Variants in MYO3A observed in about 807,000 individuals in gnomAD.
MYO3A encodes the protein myosin IIIA.
In MYO3A, 180 loss-of-function variants were observed where a neutral mutation model predicts 192.7. That is an observed-to-expected ratio of 0.93 (90% CI 0.83 to 1.06). The LOEUF is 1.06. Among genes scored for constraint, MYO3A ranks in the 50% least tolerant of loss-of-function variants. The probability of loss-of-function intolerance (pLI) is 0.00; values close to 1 mark genes in which losing one functional copy is unlikely to be tolerated. For missense variants in MYO3A, 1,896 were observed against 1,905.0 expected (o/e 1.00, Z 0.09); for synonymous variants, 628 against 645.3 (o/e 0.97, Z 0.41).
rs1835892396 is a variant in MYO3A, at chr10:25,934,327, A to T, written c.-106A>T. Reference sequence around the variant, plus strand: ...TAAGGAGGCGCCCGGCTTCCCGCCCAGGTACGTGTCGGGACAGCGCAGGGG... The same window carrying T: ...TAAGGAGGCGCCCGGCTTCCCGCCCTGGTACGTGTCGGGACAGCGCAGGGG... On this transcript the variant is annotated splice_region_variant and 5_prime_UTR_variant, in exon 1 of 35. Coordinates refer to ENST00000642920, the MANE Select transcript of MYO3A (RefSeq NM_017433.5). 1 of 152,172 alleles carries T rather than the reference A, an allele frequency of 6.6e-6. No homozygotes were observed. Among genetic ancestry groups the T allele is most frequent in the Non-Finnish European group, 1.5e-5 (1 of 68,096 alleles). The allele number at this position is 152,172 out of a possible 1,614,324, so 9.4% of individuals were successfully genotyped here. A position where few individuals can be genotyped will look rare whatever the true frequency, so the allele number is the denominator to read the frequency against.
chr10:26,200,292 C>CT (rs1214550941), intron 32 of MYO3A, among the ~76,000 whole-genome samples: 1 of 152,186 alleles, frequency 6.6e-6, no homozygotes, highest in Non-Finnish European at 1.5e-5. Context: ...TACTGTGTCT[C>CT]TAAGAATACT....
chr10:26,091,367 C>T (rs1385258417), intron 15 of MYO3A, among the ~76,000 whole-genome samples: 2 of 152,076 alleles, frequency 1.3e-5, no homozygotes, highest in South Asian at 2.1e-4. Flanking sequence ...CTTTTCTAAA[C>T]ATAGATAGTT....
intron 4 of MYO3A, among the ~76,000 whole-genome samples, chr10:25,977,919 G>C (rs1302642555): frequency 6.6e-6 from 1 of 152,062 alleles, no homozygotes; most frequent in African/African-American, 2.4e-5. Context: ...GAGTGGGGAG[G>C]TTCTGTTTCT....
chr10:25,998,618 A>G (rs1409556144), intron 6 of MYO3A, among the ~76,000 whole-genome samples: 7 of 152,128 alleles, frequency 4.6e-5, no homozygotes, highest in Non-Finnish European at 1.0e-4. Flanking sequence ...TCTCCAGAAA[A>G]TAATTTTGTC....
At chr10:26,201,784 T>A (rs1234381527) in intron 33 of MYO3A, among the ~76,000 whole-genome samples, 3 of 152,202 alleles carry the variant, frequency 2.0e-5, no homozygotes, top group African/African-American at 7.2e-5. Context: ...GATTTATATA[T>A]AATTTATAAG....
At chr10:26,125,665 T>C in intron 19 of MYO3A, 57 bp downstream of exon 19, 5 of 1,382,610 alleles carry the variant, frequency 3.6e-6, no homozygotes. Flanking sequence ...TAAGTCTACT[T>C]TCTAATTGAT....
chr10:26,137,965 C>G (rs1240142537), intron 20 of MYO3A, among the ~76,000 whole-genome samples: 1 of 152,112 alleles, frequency 6.6e-6, no homozygotes. Context: ...GAACATAGAC[C>G]CTTATCAGTA....
rs1435923368 is a variant in MYO3A, at chr10:26,067,639, G to A, written c.1053+565G>A. Among the ~76,000 whole-genome samples, 3 of 151,758 alleles carry A rather than the reference G, an allele frequency of 2.0e-5. No homozygotes were observed. In the East Asian group the frequency reaches 5.8e-4, roughly 29 times the overall value. On this transcript the variant is annotated intron_variant, in intron 11 of 34. Coordinates refer to ENST00000642920, the MANE Select transcript of MYO3A (RefSeq NM_017433.5). ...TTATCTTTCGGGGGTATTGAATTCT[G>A]CTTGGAACTCCTTATTCTAATTATC...
At chr10:26,199,982 C>T (rs142571361) in intron 32 of MYO3A, among the ~76,000 whole-genome samples, 18 of 152,314 alleles carry the variant, frequency 1.2e-4, no homozygotes, top group African/African-American at 3.6e-4. Context: ...ATTAACTGAA[C>T]TGCTAGTGGC....
At chr10:25,963,298 A>G (rs1293295219) in intron 4 of MYO3A, among the ~76,000 whole-genome samples, 4 of 152,214 alleles carry the variant, frequency 2.6e-5, no homozygotes, top group East Asian at 3.9e-4. Context: ...AGTGGTTTTT[A>G]TAGACATAAA....
At chr10:25,948,059 A>G (rs888133332) in intron 2 of MYO3A, among the ~76,000 whole-genome samples, 1 of 152,166 alleles carries the variant, frequency 6.6e-6, no homozygotes, top group Non-Finnish European at 1.5e-5. Flanking sequence ...TAAGATGATC[A>G]GGGTGGGACT....
chr10:26,180,851 A>G (rs1842589656), intron 31 of MYO3A, among the ~76,000 whole-genome samples: 1 of 152,118 alleles, frequency 6.6e-6, no homozygotes, highest in Non-Finnish European at 1.5e-5. Flanking sequence ...CCATTCTAAA[A>G]TTACTTTCTA....
chr10:26,036,391 CATAGTG>C (rs1843040796), intron 10 of MYO3A, among the ~76,000 whole-genome samples: 1 of 152,066 alleles, frequency 6.6e-6, no homozygotes, highest in African/African-American at 2.4e-5. Flanking sequence ...AAATCATCAA[CATAGTG>C]ATGTTTTCAT....
intron 17 of MYO3A, among the ~76,000 whole-genome samples, chr10:26,120,346 G>C (rs1838779640): frequency 6.6e-6 from 1 of 152,108 alleles, no homozygotes; most frequent in Admixed American, 6.5e-5. Context: ...ATTAAATTCT[G>C]CATGGATAGA....
chr10:26,000,673 T>A (rs1288660290), intron 6 of MYO3A, among the ~76,000 whole-genome samples: 1 of 86,648 alleles, frequency 1.2e-5, no homozygotes, highest in African/African-American at 5.9e-5. Flanking sequence ...GGCAGTGAGA[T>A]GAGCTTTTTT....
intron 6 of MYO3A, among the ~76,000 whole-genome samples, chr10:26,001,785 CA>C (rs1299014682): frequency 6.6e-6 from 1 of 152,116 alleles, no homozygotes; most frequent in Non-Finnish European, 1.5e-5. Context: ...AGTTAGAGGC[CA>C]GACTGGGCAA....
At chr10:26,062,530 A>AAAAAAAAAAAAAAAAAAAACAAAAACG (rs1554816581) in intron 10 of MYO3A, among the ~76,000 whole-genome samples, 1 of 125,946 alleles carries the variant, frequency 7.9e-6, no homozygotes, top group African/African-American at 2.9e-5. Context: ...AAAAAAAAAA[A>AAAAAAAAAAAAAAAAAAAACAAAAACG]AAATTATGGA....
At chr10:26,043,052 T>G (rs184672557) in intron 10 of MYO3A, among the ~76,000 whole-genome samples, 1 of 152,294 alleles carries the variant, frequency 6.6e-6, no homozygotes, top group African/African-American at 2.4e-5. Context: ...CTGTGCTTCT[T>G]GCAGACTCAT....
At chr10:26,056,855 T>C (rs1834141445) in intron 10 of MYO3A, among the ~76,000 whole-genome samples, 1 of 152,206 alleles carries the variant, frequency 6.6e-6, no homozygotes, top group African/African-American at 2.4e-5. Context: ...TTAATCTCTT[T>C]AAAATTTCTC....
Sources: allele counts gnomAD v4.1 joint callset (sites outside exome capture counted in the v4.1 genomes callset), GRCh38; gene constraint gnomAD v4.1.1; transcripts MANE v1.5; gene names NCBI Gene and HGNC (gene_info 2026-07-23, HGNC 2026-07-21).